TMED8: variants seen among roughly 807,000 people sequenced by gnomAD.
The protein encoded by TMED8 is transmembrane p24 trafficking protein family member 8.
Under a neutral mutation model 32.7 loss-of-function variants are expected in TMED8, and 15 were observed. The ratio of observed to expected loss-of-function variants is 0.46; its 90% confidence interval spans 0.31 to 0.71. The LOEUF (loss-of-function observed/expected upper bound fraction) is 0.71. Among genes scored for constraint, TMED8 ranks in the 30% least tolerant of loss-of-function variants. The pLI is 0.06. For synonymous variants in TMED8, 147 were observed against 161.4 expected (o/e 0.91, Z 0.68); for missense variants, 390 against 423.9 (o/e 0.92, Z 0.70).
intron 1 of TMED8, among the ~76,000 whole-genome samples, chr14:77,375,361 T>A (rs1372291907): frequency 6.6e-6 from 1 of 152,142 alleles, no homozygotes; most frequent in African/African-American, 2.4e-5. Flanking sequence ...CTCATCTATC[T>A]AAAACGCGTG....
chr14:77,366,699 A>C (rs1893558937), intron 1 of TMED8, among the ~76,000 whole-genome samples: 2 of 152,218 alleles, frequency 1.3e-5, no homozygotes, highest in Non-Finnish European at 2.9e-5. Flanking sequence ...GTGGTCACTT[A>C]CTATATGTCA....
At chr14:77,367,807 C>T (rs1893590260) in intron 1 of TMED8, among the ~76,000 whole-genome samples, 1 of 152,098 alleles carries the variant, frequency 6.6e-6, no homozygotes, top group South Asian at 2.1e-4. Flanking sequence ...GATTCTCCTG[C>T]CTCAGCCTCC....
chr14:77,374,736 T>C (rs569592666), intron 1 of TMED8, among the ~76,000 whole-genome samples: 1 of 152,180 alleles, frequency 6.6e-6, no homozygotes, highest in Admixed American at 6.5e-5. Context: ...GCAAGAGAGA[T>C]TCCGTTCCTA....
chr14:77,376,295 C>T lies in TMED8; in HGVS notation c.118+641G>A, dbSNP rs1893813066. On this transcript the variant is annotated intron_variant, in intron 1 of 5. Coordinates refer to ENST00000216468, the MANE Select transcript of TMED8 (RefSeq NM_213601.3). The surrounding 1 kb of genome is among the most constrained non-coding windows in gnomAD (Gnocchi z 4.0). ...GGGAGGTAGGCCAAATTTTTAATTCCTGCTCTTGCTTTGGCTACTGTGTTC... is the reference window on the plus strand; with the variant it reads ...GGGAGGTAGGCCAAATTTTTAATTCTTGCTCTTGCTTTGGCTACTGTGTTC... Among the ~76,000 whole-genome samples the T allele has an allele frequency of 6.6e-6, 1 of 152,230 alleles. No individual in the cohort carries two copies. Among genetic ancestry groups the T allele is most frequent in the African/African-American group, 2.4e-5 (1 of 41,462 alleles).
At chr14:77,372,663 T>C (rs890545964) in intron 1 of TMED8, among the ~76,000 whole-genome samples, 4 of 151,952 alleles carry the variant, frequency 2.6e-5, no homozygotes, top group African/African-American at 7.3e-5. Flanking sequence ...CTGTTTAGAC[T>C]GAATCACGAC....
chr14:77,348,383 C>G (rs931339871), intron 2 of TMED8, among the ~76,000 whole-genome samples: 8 of 152,178 alleles, frequency 5.3e-5, no homozygotes, highest in African/African-American at 1.9e-4. Context: ...CCACCACACC[C>G]AGCTAATTTT....
Position 77,341,883 on chromosome 14 carries a change from T to A in TMED8, c.866A>T (p.Gln289Leu). The change falls in exon 6 of 6, where the codon CAG (glutamine) becomes CTG (leucine). Residue 289 changes from glutamine to leucine, a missense_variant. Physicochemically the swap from Gln to Leu is moderately radical, Grantham distance 113 (BLOSUM62 -2). Transcript: ENST00000216468. ...ACCAGGGTAGTCATGGCTGCCAGCC[T>A]GCACGTCTCGGTGGCTGTCCCGCCG... ...VYRRDSHRDVQAGSHDYPGEG... is the reference protein window; with the variant it reads ...VYRRDSHRDVLAGSHDYPGEG... 6.2e-7 allele frequency: 1 copy of A among 1,612,922 alleles called. No homozygotes were observed. The highest frequency in any genetic ancestry group is 8.5e-7 in the Non-Finnish European group (1 of 1,179,840).
rs1366550564 is a variant in TMED8 at position 77,377,018 on chromosome 14, G to A, written c.36C>T (p.Ser12=). 2.1e-6 allele frequency: 3 copies of A among 1,407,650 alleles called. No homozygotes were observed. Among genetic ancestry groups the A allele is most frequent in the South Asian group, 3.1e-5 (2 of 65,176 alleles). 87.2% of individuals were successfully genotyped at this position (1,407,650 alleles called of 1,614,324 possible). A position where few individuals can be genotyped will look rare whatever the true frequency, so the allele number is the denominator to read the frequency against. The change falls in exon 1 of 6, where the codon TCC becomes TCT. Residue 12 remains serine (S), a synonymous_variant. Transcript: ENST00000216468. ...ACCCTGGGCGGGCTGTGGGGCTCCA[G>A]GAGCCCGGCCCCTCAGCCGCCTGCA... is the stretch of plus-strand genomic sequence containing the variant. ...SDLQAAEGPG[S]WSPTARPGSA...
At chr14:77,363,600 G>A (rs748749983) in intron 1 of TMED8, among the ~76,000 whole-genome samples, 1 of 152,064 alleles carries the variant, frequency 6.6e-6, no homozygotes. Context: ...GCTGCAGTGA[G>A]CCATAATCAT....
rs1397335639 is a variant in TMED8 at position 77,337,785 on chromosome 14, A to G, written c.*3986T>C. The stretch of plus-strand genomic sequence containing the variant: ...TCAGGGGCTCTCCAACAGAGCCGAT[A>G]TGCAGGGGACATTCTCAGCATTCTC... On this transcript the variant is annotated 3_prime_UTR_variant, in exon 6 of 6. Transcript: ENST00000216468. 1 of 152,240 alleles carries G rather than the reference A, an allele frequency of 6.6e-6. No individual in the cohort carries two copies. The highest frequency in any genetic ancestry group is 1.9e-4 in the East Asian group (1 of 5,202). The allele number at this position is 152,240 out of a possible 1,614,324, so 9.4% of individuals were successfully genotyped here.
At position 77,341,948 on chromosome 14, in the gene TMED8, G is replaced by A. The variant is rs767770951; in HGVS notation, c.801C>T (p.Ser267=). 16 of 1,613,972 alleles carry A rather than the reference G, an allele frequency of 9.9e-6. No homozygotes were observed. Among genetic ancestry groups the A allele is most frequent in the Non-Finnish European group, 1.2e-5 (14 of 1,180,044 alleles). Residue 267 remains serine, a synonymous_variant, in exon 6 of 6, where the codon AGC becomes AGT. Transcript: ENST00000216468. ...PAGDVERGSR[S]SLRGRYGEVM... Reference sequence around the variant, plus strand: ...CCTCCCCATAGCGACCCCGCAAGGAGCTCCTGGAGCCTCTCTCCACATCTC... The same window carrying A: ...CCTCCCCATAGCGACCCCGCAAGGAACTCCTGGAGCCTCTCTCCACATCTC...
At chr14:77,359,975 C>T (rs1893392434) in intron 1 of TMED8, 2 of 158,462 alleles carry the variant, frequency 1.3e-5, no homozygotes, top group Admixed American at 1.3e-4. Flanking sequence ...GATTGGAACT[C>T]CATTCATGGT....
rs1349037292 is a variant in TMED8 at position 77,337,761 on chromosome 14, CAG to C, written c.*4008_*4009del. ...TGAATGAAACAGGTCTGCTAAAAAT[CAG>C]GGGCTCTCCAACAGAGCCGATATGC... is the stretch of plus-strand genomic sequence containing the variant. On this transcript the variant is annotated 3_prime_UTR_variant, in exon 6 of 6. Transcript: ENST00000216468. 3 of 152,278 alleles carry C rather than the reference CAG, an allele frequency of 2.0e-5. No homozygotes were observed. Among genetic ancestry groups the C allele is most frequent in the Non-Finnish European group, 4.4e-5 (3 of 68,018 alleles). 9.4% of individuals were successfully genotyped at this position (152,278 alleles called of 1,614,324 possible). A position where few individuals can be genotyped will look rare whatever the true frequency, so the allele number is the denominator to read the frequency against.
At position 77,343,681 on chromosome 14, in the gene TMED8, C is replaced by A; in HGVS notation, c.454+16G>T. ...TACTGGAAACAAACCACCTCCTTTACTCCCAAAGGTCTCACCTTTCCTGTG... is the reference window on the plus strand; with the variant it reads ...TACTGGAAACAAACCACCTCCTTTAATCCCAAAGGTCTCACCTTTCCTGTG... On this transcript the variant is annotated intron_variant, in intron 4 of 5. Coordinates refer to ENST00000216468, the MANE Select transcript of TMED8 (RefSeq NM_213601.3). 1 of 1,613,968 alleles carries A rather than the reference C, an allele frequency of 6.2e-7. No homozygotes were observed. Among genetic ancestry groups the A allele is most frequent in the Non-Finnish European group, 8.5e-7 (1 of 1,179,938 alleles).
intron 1 of TMED8, among the ~76,000 whole-genome samples, chr14:77,355,061 A>G (rs1893261452): frequency 6.6e-6 from 1 of 152,110 alleles, no homozygotes; most frequent in Non-Finnish European, 1.5e-5. Flanking sequence ...CTGGGGTTAC[A>G]GCACAGCATC....
intron 1 of TMED8, among the ~76,000 whole-genome samples, chr14:77,358,050 G>C (rs1377636431): frequency 6.6e-6 from 1 of 150,536 alleles, no homozygotes; most frequent in African/African-American, 2.4e-5. Context: ...CTGGAACCTA[G>C]GAGGCGGAGG....
chr14:77,356,091 G>A (rs1205274169), intron 1 of TMED8, among the ~76,000 whole-genome samples: 1 of 152,182 alleles, frequency 6.6e-6, no homozygotes, highest in Non-Finnish European at 1.5e-5. Flanking sequence ...AACACCATGA[G>A]GTTCAAGTGT....
chr14:77,376,218 A>G lies in TMED8; in HGVS notation c.118+718T>C, dbSNP rs1340497246. ...TACACACGGAGGAACTCGCGTTAGTAGAAATGGAGACGTCGTCCTGGACAA... is the reference window on the plus strand; with the variant it reads ...TACACACGGAGGAACTCGCGTTAGTGGAAATGGAGACGTCGTCCTGGACAA... On this transcript the variant is annotated intron_variant, in intron 1 of 5. Transcript: ENST00000216468. This position sits in a 1 kb window ranked among gnomAD's most constrained non-coding sequence, Gnocchi z 4.0. Among the ~76,000 whole-genome samples the G allele has an allele frequency of 6.6e-6, 1 of 152,258 alleles. No homozygotes were observed. Among genetic ancestry groups the G allele is most frequent in the East Asian group, 1.9e-4 (1 of 5,202 alleles).
chr14:77,347,260 G>A (rs1054208587), intron 2 of TMED8, among the ~76,000 whole-genome samples: 5 of 152,214 alleles, frequency 3.3e-5, no homozygotes, highest in African/African-American at 1.2e-4. Flanking sequence ...CTGCCTAAGG[G>A]AGACTGGGCA....
Sources: gnomAD v4.1 joint callset for allele counts (sites outside exome capture counted in the v4.1 genomes callset) on GRCh38, gnomAD v4.1.1 for gene constraint, Gnocchi (gnomAD v3.1) non-coding constraint, MANE v1.5 for transcripts, NCBI Gene and HGNC (gene_info 2026-07-23, HGNC 2026-07-21) for gene names.